Variants in PREX1 observed in about 807,000 individuals in gnomAD.
PREX1 encodes the protein phosphatidylinositol 3,4,5-trisphosphate-dependent Rac exchanger 1 protein.
PREX1 carries 41 observed loss-of-function variants against 198.3 expected under a neutral mutation model. That is an observed-to-expected ratio of 0.21 (90% CI 0.16 to 0.27). The LOEUF is 0.27. PREX1 is among the 10% of genes least tolerant of loss of function. The pLI is 1.00. For missense variants in PREX1, 1,620 were observed against 2,200.7 expected, an observed-to-expected ratio of 0.74 and a Z score of 5.28; for synonymous variants, 843 against 887.2, an observed-to-expected ratio of 0.95 and a Z score of 0.89.
At chr20:48,798,750 T>C (rs550826177) in intron 1 of PREX1, among the ~76,000 whole-genome samples, 3 of 152,344 alleles carry the variant, frequency 2.0e-5, no homozygotes, top group Admixed American at 6.5e-5. Context: ...TGGCATGCAG[T>C]AGGTGCTCAA....
At chr20:48,647,738 T>C (rs955807393) in intron 25 of PREX1, among the ~76,000 whole-genome samples, 1 of 152,170 alleles carries the variant, frequency 6.6e-6, no homozygotes, top group Non-Finnish European at 1.5e-5. Flanking sequence ...CCAGGCCTCC[T>C]GGCTCTAGAG....
chr20:48,792,853 CAT>C (rs1555845889), intron 1 of PREX1, among the ~76,000 whole-genome samples: 20 of 145,354 alleles, frequency 1.4e-4, no homozygotes, highest in African/African-American at 5.3e-4. Flanking sequence ...CACACACACA[CAT>C]AGTATGATTC....
At chr20:48,859,731 G>A in the PREX1 span, among the ~76,000 whole-genome samples, 2 of 152,146 alleles carry the variant, frequency 1.3e-5, no homozygotes, top group South Asian at 2.1e-4. Flanking sequence ...GGAAAGCAAG[G>A]TCTTGACCGG....
Position 48,763,377 on chromosome 20 carries a change from C to A in PREX1, c.220-15497G>T, listed in dbSNP as rs532386640. 2.0e-5 allele frequency among the ~76,000 whole-genome samples: 3 copies of A among 152,278 alleles called. No homozygotes were observed. The East Asian group carries it at 5.8e-4, about 29-fold the overall frequency. On this transcript the variant is annotated intron_variant, in intron 1 of 39. Coordinates refer to ENST00000371941, the MANE Select transcript of PREX1 (RefSeq NM_020820.4). Reference sequence around the variant, plus strand: ...CCCTGCTTTGGGTGGCATTTCCCGCCGGAATGTCCTGGACAAAGAGAACCA... The same window carrying A: ...CCCTGCTTTGGGTGGCATTTCCCGCAGGAATGTCCTGGACAAAGAGAACCA...
At chr20:48,777,621 A>C (rs2090268473) in intron 1 of PREX1, among the ~76,000 whole-genome samples, 1 of 152,126 alleles carries the variant, frequency 6.6e-6, no homozygotes, top group South Asian at 2.1e-4. Flanking sequence ...AACCACACAT[A>C]ATGGACTCTG....
At chr20:48,649,640 G>A (rs758809718) in intron 24 of PREX1, 64 bp from the exon 25 acceptor site, 52 of 1,494,546 alleles carry the variant, frequency 3.5e-5, no homozygotes, top group Admixed American at 1.6e-4. Flanking sequence ...GCCTTTGGGC[G>A]GAACAATACA....
At position 48,689,535 on chromosome 20, in the gene PREX1, A is replaced by G. The variant is rs567573809; in HGVS notation, c.1187-731T>C. Among the ~76,000 whole-genome samples, 135 of 152,192 alleles carry G rather than the reference A, an allele frequency of 8.9e-4. 1 individual carries two copies. The highest frequency in any genetic ancestry group is 3.4e-3 in the Middle Eastern group (1 of 294). On this transcript the variant is annotated intron_variant, in intron 9 of 39. Transcript: ENST00000371941. Reference sequence around the variant, plus strand: ...CCAGCCCTGAGGTCAGGATGTGGACAACACCCAATTCTAACAACTAAGACC... The same window carrying G: ...CCAGCCCTGAGGTCAGGATGTGGACGACACCCAATTCTAACAACTAAGACC...
At chr20:48,767,120 G>C (rs904993273) in intron 1 of PREX1, among the ~76,000 whole-genome samples, 1 of 152,178 alleles carries the variant, frequency 6.6e-6, no homozygotes, top group East Asian at 1.9e-4. Flanking sequence ...CCTCGTCCGC[G>C]AAACGGGGAA....
the PREX1 span, among the ~76,000 whole-genome samples, chr20:48,848,805 C>T: frequency 2.5e-3 from 382 of 152,134 alleles, 3 homozygotes; most frequent in Admixed American, 5.0e-3. Flanking sequence ...GGCGGGATCT[C>T]GGCTCACTGC....
At chr20:48,812,405 G>A (rs913297758) in intron 1 of PREX1, among the ~76,000 whole-genome samples, 9 of 150,752 alleles carry the variant, frequency 6.0e-5, no homozygotes, top group African/African-American at 2.0e-4. Context: ...TAAGAGGAAT[G>A]GGTAAATAAT....
intron 1 of PREX1, among the ~76,000 whole-genome samples, chr20:48,757,467 C>T (rs534417367): frequency 6.6e-6 from 1 of 152,340 alleles, no homozygotes; most frequent in South Asian, 2.1e-4. Context: ...TACTGCATCC[C>T]CTTTTTAGGA....
At position 48,642,181 on chromosome 20, in the gene PREX1, G is replaced by A. The variant is rs2089419047; in HGVS notation, c.3762C>T (p.Asn1254=). The change falls in exon 29 of 40, where the codon AAC becomes AAT. Residue 1254 remains asparagine, a synonymous_variant. Transcript: ENST00000371941. The part of the protein sequence containing the change: ...AFEETKHFPM[N]HSLQEFKQKE... ...CTATCCCCTCACCTTGTAAGCTGTGGTTCATAGGGAAATGCTTGGTCTCTT... is the reference window on the plus strand; with the variant it reads ...CTATCCCCTCACCTTGTAAGCTGTGATTCATAGGGAAATGCTTGGTCTCTT... 1 of 1,614,132 alleles carries A rather than the reference G, an allele frequency of 6.2e-7. No homozygotes were observed. Among genetic ancestry groups the A allele is most frequent in the Non-Finnish European group, 8.5e-7 (1 of 1,179,954 alleles).
the PREX1 span, among the ~76,000 whole-genome samples, chr20:48,846,316 C>T: frequency 1.2e-4 from 19 of 152,264 alleles, 1 homozygote; most frequent in Admixed American, 9.2e-4. Context: ...AATTTCACGG[C>T]GGAGAGGAAA....
chr20:48,762,425 C>T (rs2090185399), intron 1 of PREX1, among the ~76,000 whole-genome samples: 1 of 152,160 alleles, frequency 6.6e-6, no homozygotes, highest in African/African-American at 2.4e-5. Context: ...CCTCTAGATA[C>T]AAATAACAAC....
At chr20:48,629,195 G>C (rs907881981) in intron 37 of PREX1, among the ~76,000 whole-genome samples, 4 of 152,158 alleles carry the variant, frequency 2.6e-5, no homozygotes, top group Admixed American at 2.0e-4. Context: ...CGGAACTACA[G>C]GGCACAGCTC....
chr20:48,792,940 T>G (rs2122978287), intron 1 of PREX1, among the ~76,000 whole-genome samples: 1 of 152,118 alleles, frequency 6.6e-6, no homozygotes, highest in South Asian at 2.1e-4. Context: ...GCATGGTGGC[T>G]CATGCCTGTA....
chr20:48,702,754 C>T (rs575555299), intron 6 of PREX1, among the ~76,000 whole-genome samples: 5 of 152,368 alleles, frequency 3.3e-5, no homozygotes, highest in African/African-American at 9.6e-5. Context: ...ATGAGAACAG[C>T]GTTGCAACGC....
the PREX1 span, among the ~76,000 whole-genome samples, chr20:48,842,238 G>A: frequency 2.6e-5 from 4 of 152,162 alleles, no homozygotes; most frequent in East Asian, 1.9e-4. Context: ...TGATTTAGGC[G>A]GCCACAGACT....
chr20:48,649,418 C>T lies in PREX1; in HGVS notation c.3187G>A (p.Gly1063Ser). 3 of 1,614,128 alleles carry T rather than the reference C, an allele frequency of 1.9e-6. No homozygotes were observed. Among genetic ancestry groups the T allele is most frequent in the Non-Finnish European group, 2.5e-6 (3 of 1,180,004 alleles). Residue 1063 changes from glycine to serine, a missense_variant, in exon 25 of 40, where the codon GGC (glycine) becomes AGC (serine). This residue lies in a region of PREX1 where 514 missense variants were observed against 611.6 expected (regional missense o/e 0.84). Coordinates refer to ENST00000371941, the MANE Select transcript of PREX1 (RefSeq NM_020820.4). ...TCCTGCTTGAGTAGGAAGCTGAGGC[C>T]CCGGTCTTCCTGACCAAGGGTCCCA... ...ASGTLGQEDR[G>S]LSFLLKQEDR...
Sources: gnomAD v4.1 joint callset for allele counts (sites outside exome capture counted in the v4.1 genomes callset) on GRCh38, gnomAD v4.1.1 for gene constraint, gnomAD v4.1.1 regional missense constraint, MANE v1.5 for transcripts, NCBI Gene and HGNC (gene_info 2026-07-23, HGNC 2026-07-21) for gene names.